The following PPP2R2C variants were observed in gnomAD, a reference collection of about 807,000 sequenced individuals.
PPP2R2C encodes protein phosphatase 2, regulatory subunit B, gamma.
A neutral mutation model predicts 45.3 loss-of-function variants in PPP2R2C; 10 were observed. The ratio of observed to expected loss-of-function variants is 0.22; its 90% CI spans 0.14 to 0.37. PPP2R2C has a LOEUF of 0.37. PPP2R2C is among the 10% of genes least tolerant of loss of function. PPP2R2C has a pLI of 1.00. For synonymous variants in PPP2R2C, 257 were observed against 245.4 expected (o/e 1.05, Z -0.44); for missense variants, 308 against 619.7 (o/e 0.50, Z 5.34).
chr4:6,528,741 T>C (rs368621824), intron 2 of PPP2R2C, among the ~76,000 whole-genome samples: 4 of 152,324 alleles, frequency 2.6e-5, no homozygotes, highest in African/African-American at 9.6e-5. Context: ...CTGCCTTAAC[T>C]GATGACATTA....
At chr4:6,355,753 G>A (rs1481531660) in intron 5 of PPP2R2C, among the ~76,000 whole-genome samples, 1 of 152,048 alleles carries the variant, frequency 6.6e-6, no homozygotes, top group East Asian at 1.9e-4. Context: ...CACTTTGGGA[G>A]GCTGAGGCAG....
At chr4:6,530,543 A>G (rs1724361824) in intron 2 of PPP2R2C, among the ~76,000 whole-genome samples, 1 of 151,860 alleles carries the variant, frequency 6.6e-6, no homozygotes, top group South Asian at 2.1e-4. Flanking sequence ...CTGGACTGTC[A>G]CCCACCACGC....
chr4:6,495,439 G>A (rs919711813), intron 2 of PPP2R2C, among the ~76,000 whole-genome samples: 4 of 152,196 alleles, frequency 2.6e-5, no homozygotes, highest in South Asian at 4.1e-4. Context: ...AGAGGGGCTC[G>A]CAACCTGGGG....
At position 6,344,834 on chromosome 4, in the gene PPP2R2C, A is replaced by C. The variant is rs374060121; in HGVS notation, c.790+3012T>G. ...CCCTGTGGCATTAAAAATTCTTCTA[A>C]AACAATAGCTGACATGACCGAACAA... On this transcript the variant is annotated intron_variant, in intron 6 of 8. Transcript: ENST00000382599. Among the ~76,000 whole-genome samples the C allele has an allele frequency of 8.5e-5, 13 of 152,206 alleles. 2 individuals carry two copies. Among genetic ancestry groups the C allele is most frequent in the Admixed American group, 2.6e-4 (4 of 15,292 alleles).
intron 5 of PPP2R2C, chr4:6,350,426 C>T (rs1480669172): frequency 1.0e-6 from 1 of 985,282 alleles, no homozygotes; most frequent in East Asian, 1.1e-4. Flanking sequence ...AGAGGCAGGG[C>T]AGAGAGGGGC....
At chr4:6,399,134 G>A (rs560759077) in intron 1 of PPP2R2C, among the ~76,000 whole-genome samples, 1 of 152,312 alleles carries the variant, frequency 6.6e-6, no homozygotes, top group African/African-American at 2.4e-5. Flanking sequence ...AACGTTTTGT[G>A]GGTGAAGGCC....
intron 1 of PPP2R2C, among the ~76,000 whole-genome samples, chr4:6,441,732 G>C (rs1173938619): frequency 6.6e-6 from 1 of 152,222 alleles, no homozygotes; most frequent in African/African-American, 2.4e-5. Flanking sequence ...AAGGAATAGA[G>C]GGGTGGTGCT....
At chr4:6,379,652 C>T (rs1715623663) in intron 2 of PPP2R2C, among the ~76,000 whole-genome samples, 1 of 152,250 alleles carries the variant, frequency 6.6e-6, no homozygotes, top group East Asian at 1.9e-4. Flanking sequence ...CCTGGTGGGA[C>T]ACCCCACAGG....
chr4:6,370,802 G>A (rs546343942), intron 5 of PPP2R2C, among the ~76,000 whole-genome samples: 2 of 152,312 alleles, frequency 1.3e-5, no homozygotes, highest in East Asian at 1.9e-4. Context: ...CTGCTGCTAT[G>A]AGCACTGTGG....
chr4:6,511,387 ATGGTGATGG>A (rs1431874759), intron 2 of PPP2R2C, among the ~76,000 whole-genome samples: 3 of 117,064 alleles, frequency 2.6e-5, no homozygotes, highest in Non-Finnish European at 3.5e-5. Context: ...GATGGTGGTG[ATGGTGATGG>A]TGGTGATGGT....
intron 1 of PPP2R2C, among the ~76,000 whole-genome samples, chr4:6,462,547 T>C (rs74284768): frequency 0.076 from 11,510 of 152,156 alleles, 792 homozygotes; most frequent in East Asian, 0.38. Flanking sequence ...GGATGGAGGC[T>C]GAGTCTAGGT....
intron 1 of PPP2R2C, among the ~76,000 whole-genome samples, chr4:6,394,709 C>T (rs1023708309): frequency 1.3e-5 from 2 of 152,254 alleles, no homozygotes; most frequent in Admixed American, 6.5e-5. Flanking sequence ...GCCAGATGGC[C>T]TGGCTGGCTT....
chr4:6,394,535 G>A (rs1018717803), intron 1 of PPP2R2C, among the ~76,000 whole-genome samples: 2 of 152,252 alleles, frequency 1.3e-5, no homozygotes, highest in Non-Finnish European at 2.9e-5. Context: ...TCCTGCTTAT[G>A]TGAGTCAGAG....
At chr4:6,362,453 G>C (rs907905109) in intron 5 of PPP2R2C, among the ~76,000 whole-genome samples, 1 of 152,204 alleles carries the variant, frequency 6.6e-6, no homozygotes, top group Non-Finnish European at 1.5e-5. Flanking sequence ...CAGGGCAAAC[G>C]TGAGGACTGC....
chr4:6,540,815 T>G (rs912803847), intron 1 of PPP2R2C, among the ~76,000 whole-genome samples: 1 of 152,250 alleles, frequency 6.6e-6, no homozygotes, highest in Non-Finnish European at 1.5e-5. Flanking sequence ...AATCTCCATT[T>G]GGGCTTCCCA....
rs1005621652 is a variant in PPP2R2C, at chr4:6,364,672, G to A, written c.625+7851C>T. Among the ~76,000 whole-genome samples the A allele has an allele frequency of 2.6e-5, 4 of 152,162 alleles. No individual in the cohort carries two copies. Among genetic ancestry groups the A allele is most frequent in the Non-Finnish European group, 5.9e-5 (4 of 68,034 alleles). ...AGCAGGGGCTTTTCCTCGCTTTACA[G>A]GTGAGGAGCTGAGGCACAGAGAACC... On this transcript the variant is annotated intron_variant, in intron 5 of 8. Transcript: ENST00000382599. The surrounding 1 kb of genome is among the most constrained non-coding windows in gnomAD (Gnocchi z 5.3).
intron 5 of PPP2R2C, among the ~76,000 whole-genome samples, chr4:6,354,728 C>T (rs556774462): frequency 6.7e-6 from 1 of 148,394 alleles, no homozygotes; most frequent in South Asian, 2.2e-4. Context: ...GGTCCAGAGA[C>T]AGGCTCAGAG....
Position 6,472,215 on chromosome 4 carries a change from C to G in PPP2R2C, c.15G>C (p.Thr5=), listed in dbSNP as rs150211739. Reference sequence around the variant, plus strand: ...AGCTGTGGTTAATTTTCCGCGTGTCCGTGTCCTCGCCCATTGAAGGCCGTG... The same window carrying G: ...AGCTGTGGTTAATTTTCCGCGTGTCGGTGTCCTCGCCCATTGAAGGCCGTG... The part of the protein sequence containing the change: MGED[T]DTRKINHSFL... Residue 5 remains threonine (T), a synonymous_variant, in exon 1 of 9, where the codon ACG becomes ACC. Transcript: ENST00000382599. The G allele has an allele frequency of 9.9e-6, 16 of 1,613,038 alleles. No individual in the cohort carries two copies. In the East Asian group the frequency reaches 3.6e-4, roughly 36 times the overall value.
chr4:6,504,537 T>C (rs28778583), intron 2 of PPP2R2C, among the ~76,000 whole-genome samples: 69,783 of 151,986 alleles, frequency 0.46, 17,044 homozygotes, highest in East Asian at 0.78. Flanking sequence ...GTACTATGCT[T>C]AAGAATGTAA....
Sources: allele counts gnomAD v4.1 joint callset (sites outside exome capture counted in the v4.1 genomes callset), GRCh38; gene constraint gnomAD v4.1.1; non-coding constraint Gnocchi (gnomAD v3.1); transcripts MANE v1.5; gene names NCBI Gene and HGNC (gene_info 2026-07-23, HGNC 2026-07-21).